SMTNL2: variants seen among roughly 807,000 people sequenced by gnomAD.
SMTNL2 encodes the protein smoothelin-like protein 2.
In SMTNL2, 43 loss-of-function variants were observed where a neutral mutation model predicts 44.1. The ratio of observed to expected loss-of-function variants is 0.98; its 90% CI spans 0.76 to 1.26. SMTNL2 has a LOEUF of 1.26. Among genes scored for constraint, SMTNL2 ranks in the 50% most tolerant of loss-of-function variants. The pLI, the probability that SMTNL2 is intolerant of heterozygous loss-of-function variation, is 0.00. For missense variants in SMTNL2, 646 were observed against 670.2 expected (o/e 0.96, Z 0.40); for synonymous variants, 317 against 287.6 (o/e 1.10, Z -1.03).
At chr17:4,602,171 T>G (rs1303673865) in intron 7 of SMTNL2, among the ~76,000 whole-genome samples, 3 of 152,108 alleles carry the variant, frequency 2.0e-5, no homozygotes, top group Non-Finnish European at 2.9e-5. Flanking sequence ...ACTTTTTGAG[T>G]GCCAGACACA....
Position 4,593,176 on chromosome 17 carries a change from G to C in SMTNL2, c.730+5G>C. 1 of 1,580,708 alleles carries C rather than the reference G, an allele frequency of 6.3e-7. No individual in the cohort carries two copies. The highest frequency in any genetic ancestry group is 8.6e-7 in the Non-Finnish European group (1 of 1,157,766). On this transcript the variant is annotated splice_donor_5th_base_variant and intron_variant, in intron 3 of 7. Coordinates refer to ENST00000389313, the MANE Select transcript of SMTNL2 (RefSeq NM_001114974.2). ...CCTGGACTCCCAGTCCTAGCGGTAT[G>C]AGCTGGAGAGCGTGGCCTTGGGGCA...
Position 4,607,868 on chromosome 17 carries a change from G to GT in SMTNL2, c.*390dup, listed in dbSNP as rs3834572. Reference sequence around the variant, plus strand: ...TACAGGGTTACAGTGATTACCAAGTGTTTTTTTTTATCAAAATACCCAGAG... The same window carrying GT: ...TACAGGGTTACAGTGATTACCAAGTGTTTTTTTTTTATCAAAATACCCAGAG... On this transcript the variant is annotated 3_prime_UTR_variant, in exon 8 of 8. Transcript: ENST00000389313. This position sits in a 1 kb window ranked among gnomAD's most constrained non-coding sequence, Gnocchi z 4.7. 0.41 allele frequency: 64,003 copies of GT among 156,828 alleles called. 15,109 individuals carry two copies. Among genetic ancestry groups the GT allele is most frequent in the Middle Eastern group, 0.55 (175 of 318 alleles). 9.7% of individuals were successfully genotyped at this position (156,828 alleles called of 1,614,324 possible). A position where few individuals can be genotyped will look rare whatever the true frequency, so the allele number is the denominator to read the frequency against.
intron 7 of SMTNL2, among the ~76,000 whole-genome samples, chr17:4,603,989 C>T (rs1465317244): frequency 4.6e-5 from 7 of 151,690 alleles, no homozygotes; most frequent in Non-Finnish European, 1.0e-4. Flanking sequence ...GGACTGCAGG[C>T]ATACGCCACC....
In SMTNL2 at chr17:4,607,589, G is replaced by T. The variant is rs948293958; in HGVS notation, c.*102G>T. On this transcript the variant is annotated 3_prime_UTR_variant, in exon 8 of 8. Coordinates refer to ENST00000389313, the MANE Select transcript of SMTNL2 (RefSeq NM_001114974.2). This position sits in a 1 kb window ranked among gnomAD's most constrained non-coding sequence, Gnocchi z 4.7. The stretch of plus-strand genomic sequence containing the variant: ...GCCCCCAGGAGCCTTGCCGTTTGGT[G>T]TGAGCGCGCTGTTTGTTCTGTGGCA... 4 of 1,530,376 alleles carry T rather than the reference G, an allele frequency of 2.6e-6. No individual in the cohort carries two copies. Among genetic ancestry groups the T allele is most frequent in the Non-Finnish European group, 3.5e-6 (4 of 1,135,386 alleles). 94.8% of individuals were successfully genotyped at this position (1,530,376 alleles called of 1,614,324 possible). A position where few individuals can be genotyped will look rare whatever the true frequency, so the allele number is the denominator to read the frequency against.
Position 4,589,824 on chromosome 17 carries a change from C to T in SMTNL2, c.400-2537C>T, listed in dbSNP as rs977611527. On this transcript the variant is annotated intron_variant, in intron 1 of 7. Transcript: ENST00000389313. ...TCCTGTCCCCCAACCCCCTGTCCCC[C>T]GCCCCACGCTTCTGATCACCCATGA... Among the ~76,000 whole-genome samples the T allele has an allele frequency of 2.3e-4, 35 of 152,026 alleles. No homozygotes were observed. In the East Asian group the frequency reaches 5.6e-3, roughly 24 times the overall value.
At position 4,596,341 on chromosome 17, in the gene SMTNL2, C is replaced by T. The variant is rs538554509; in HGVS notation, c.990-519C>T. 6.5e-4 allele frequency among the ~76,000 whole-genome samples: 99 copies of T among 152,378 alleles called. 2 individuals carry two copies. The highest frequency in any genetic ancestry group is 2.3e-3 in the African/African-American group (94 of 41,600). ...AGTGAGGGGGACCGACCCCGGACAT[C>T]TCCCCACTGGCCCCAAACAACCTGG... On this transcript the variant is annotated intron_variant, in intron 5 of 7. Coordinates refer to ENST00000389313, the MANE Select transcript of SMTNL2 (RefSeq NM_001114974.2).
At position 4,584,961 on chromosome 17, in the gene SMTNL2, G is replaced by T; in HGVS notation, c.356G>T (p.Arg119Leu). The T allele has an allele frequency of 7.3e-7, 1 of 1,370,784 alleles. No homozygotes were observed. The highest frequency in any genetic ancestry group is 9.4e-7 in the Non-Finnish European group (1 of 1,063,956). The allele number at this position is 1,370,784 out of a possible 1,614,324, so 84.9% of individuals were successfully genotyped here. ...PDRAPRLGSA[R>L]FASHATFSLS... is the part of the protein sequence containing the mutation. ...CGCGCGCCCCGCCTGGGCAGCGCAC[G>T]CTTCGCCAGCCACGCCACCTTCTCG... is the stretch of plus-strand genomic sequence containing the variant. Residue 119 changes from arginine to leucine, a missense_variant, in exon 1 of 8, where the codon CGC becomes CTC. By Grantham distance (102) the Arg-to-Leu change is moderately radical (BLOSUM62 -2). Transcript: ENST00000389313.
intron 1 of SMTNL2, among the ~76,000 whole-genome samples, chr17:4,591,983 GC>G (rs1320531608): frequency 6.6e-6 from 1 of 152,246 alleles, no homozygotes; most frequent in African/African-American, 2.4e-5. Context: ...GGGTAGCCAT[GC>G]CGACCTGGCC....
intron 1 of SMTNL2, among the ~76,000 whole-genome samples, chr17:4,585,564 AAGGGAGAG>A (rs1345884845): frequency 1.6e-4 from 24 of 152,296 alleles, no homozygotes; most frequent in East Asian, 1.9e-4. Flanking sequence ...CCTTACCGTG[AAGGGAGAG>A]AGGTGGAAAC....
At chr17:4,597,103 A>G in intron 6 of SMTNL2, 69 bp from the exon 7 acceptor site, 2 of 1,569,802 alleles carry the variant, frequency 1.3e-6, no homozygotes, top group East Asian at 2.3e-5. Flanking sequence ...GGTAGGAACC[A>G]CGGTAATTAT....
intron 7 of SMTNL2, among the ~76,000 whole-genome samples, chr17:4,605,004 A>G (rs550911639): frequency 6.6e-6 from 1 of 152,056 alleles, no homozygotes; most frequent in African/African-American, 2.4e-5. Flanking sequence ...AAATGGGCAC[A>G]GAACAGTGAA....
rs114265474 is a variant in SMTNL2 at position 4,593,932 on chromosome 17, C to T, written c.806+35C>T. On this transcript the variant is annotated intron_variant, in intron 4 of 7. Coordinates refer to ENST00000389313, the MANE Select transcript of SMTNL2 (RefSeq NM_001114974.2). ...GGCCTGTGTTCCTGTGGGGTCGCTG[C>T]GCCCCAGGTGTCTTCTCTGCTTTGG... 8.2e-4 allele frequency: 1,313 copies of T among 1,607,714 alleles called. 3 individuals are homozygous for T. In the African/African-American group the frequency reaches 0.012, roughly 14 times the overall value.
upstream of SMTNL2, chr17:4,584,473 C>A: frequency 9.4e-7 from 1 of 1,063,108 alleles, no homozygotes; most frequent in Non-Finnish European, 1.2e-6. Context: ...CCCCGAGGCC[C>A]CGCCCCGCGC....
At chr17:4,584,415 G>A (rs1028672974), upstream of SMTNL2, 2 of 505,734 alleles carry the variant, frequency 4.0e-6, no homozygotes, top group Non-Finnish European at 6.0e-6. Flanking sequence ...GCACCGTCCC[G>A]CTGGGCTCCA....
At chr17:4,588,210 G>A (rs1372475333) in intron 1 of SMTNL2, among the ~76,000 whole-genome samples, 2 of 152,246 alleles carry the variant, frequency 1.3e-5, no homozygotes, top group African/African-American at 2.4e-5. Context: ...CGTGGGTCTC[G>A]TCCCCATGGA....
intron 7 of SMTNL2, among the ~76,000 whole-genome samples, chr17:4,597,695 T>C (rs1312670766): frequency 3.3e-5 from 5 of 152,230 alleles, no homozygotes; most frequent in Admixed American, 2.0e-4. Context: ...AGAGATGCCG[T>C]TGCTTGCATG....
At chr17:4,604,212 C>T (rs72835605) in intron 7 of SMTNL2, among the ~76,000 whole-genome samples, 19,528 of 152,184 alleles carry the variant, frequency 0.13, 1,636 homozygotes, top group Non-Finnish European at 0.19. Context: ...CATCAGAGGG[C>T]CAGCTTCCCT....
At chr17:4,603,814 C>A (rs927051009) in intron 7 of SMTNL2, among the ~76,000 whole-genome samples, 1 of 152,100 alleles carries the variant, frequency 6.6e-6, no homozygotes, top group African/African-American at 2.4e-5. Context: ...ACTCAGGTCC[C>A]CAGCCTCTCT....
chr17:4,597,338 TC>T lies in SMTNL2; in HGVS notation c.1259+17del. 6.2e-7 allele frequency: 1 copy of T among 1,612,358 alleles called. No individual in the cohort carries two copies. Among genetic ancestry groups the T allele is most frequent in the Non-Finnish European group, 8.5e-7 (1 of 1,178,876 alleles). ...ACCATGGCCGAGTGAGTATGGTGGC[TC>T]CTGCTGGCTACCAGCCCCAGCCCAG... On this transcript the variant is annotated intron_variant, in intron 7 of 7. Coordinates refer to ENST00000389313, the MANE Select transcript of SMTNL2 (RefSeq NM_001114974.2).
Sources: gnomAD v4.1 joint callset for allele counts (sites outside exome capture counted in the v4.1 genomes callset) on GRCh38, gnomAD v4.1.1 for gene constraint, Gnocchi (gnomAD v3.1) non-coding constraint, MANE v1.5 for transcripts, NCBI Gene and HGNC (gene_info 2026-07-23, HGNC 2026-07-21) for gene names.